The following GRIP1 variants were observed in gnomAD, a reference collection of about 807,000 sequenced individuals.
The protein encoded by GRIP1 is glutamate receptor interacting protein 1, also known as glutamate receptor-interacting protein 1.
GRIP1 carries 45 observed loss-of-function variants against 129.9 expected under a neutral mutation model. That is an observed-to-expected ratio of 0.35 (90% CI 0.27 to 0.44). GRIP1 has a LOEUF of 0.44. GRIP1 is among the 20% of genes least tolerant of loss of function. The pLI is 1.00. For synonymous variants in GRIP1, 530 were observed against 520.8 expected (o/e 1.02, Z -0.24); for missense variants, 1,196 against 1,396.8 (o/e 0.86, Z 2.29).
chr12:66,734,730 A>G (rs2036542728), intron 1 of GRIP1, among the ~76,000 whole-genome samples: 1 of 152,220 alleles, frequency 6.6e-6, no homozygotes, highest in South Asian at 2.1e-4. Flanking sequence ...ATAGATGGAC[A>G]GGAATAAACA....
At chr12:66,826,507 A>G (rs1477850727) in intron 1 of GRIP1, among the ~76,000 whole-genome samples, 2 of 152,164 alleles carry the variant, frequency 1.3e-5, no homozygotes, top group Non-Finnish European at 2.9e-5. Flanking sequence ...CTATGATCCC[A>G]AAATACTTAC....
chr12:66,895,296 G>A (rs1178686462), intron 1 of GRIP1, among the ~76,000 whole-genome samples: 1 of 152,112 alleles, frequency 6.6e-6, no homozygotes, highest in Non-Finnish European at 1.5e-5. Flanking sequence ...TAGTGAATAA[G>A]TCTCACAATA....
chr12:66,785,609 T>C (rs915489547), intron 1 of GRIP1, among the ~76,000 whole-genome samples: 1 of 151,970 alleles, frequency 6.6e-6, no homozygotes, highest in African/African-American at 2.4e-5. Flanking sequence ...AGAATATACT[T>C]AGCCAAATGT....
intron 15 of GRIP1, among the ~76,000 whole-genome samples, chr12:66,417,281 G>T (rs75003792): frequency 6.6e-6 from 1 of 152,060 alleles, no homozygotes; most frequent in Non-Finnish European, 1.5e-5. Flanking sequence ...GGGTATAGAA[G>T]AAATATACCT....
At chr12:66,619,487 G>A (rs187644421) in intron 1 of GRIP1, among the ~76,000 whole-genome samples, 4 of 151,962 alleles carry the variant, frequency 2.6e-5, no homozygotes, top group Admixed American at 6.6e-5. Flanking sequence ...TGGCACCTTT[G>A]ACAAAAATAG....
intron 1 of GRIP1, among the ~76,000 whole-genome samples, chr12:66,874,282 A>G (rs778209665): frequency 1.2e-4 from 18 of 152,110 alleles, no homozygotes; most frequent in Non-Finnish European, 2.6e-4. Flanking sequence ...GTACATTTAC[A>G]TAATTGTTGC....
chr12:66,909,268 C>G (rs922252475), intron 1 of GRIP1, among the ~76,000 whole-genome samples: 1 of 152,200 alleles, frequency 6.6e-6, no homozygotes, highest in Non-Finnish European at 1.5e-5. Context: ...TGGCCTCTTT[C>G]ACACCAATCA....
At chr12:66,388,473 C>A (rs1295265413) in intron 19 of GRIP1, among the ~76,000 whole-genome samples, 3 of 150,840 alleles carry the variant, frequency 2.0e-5, no homozygotes, top group Non-Finnish European at 4.5e-5. Context: ...ACCAATTTGC[C>A]AGTCTCCTCT....
Position 66,747,049 on chromosome 12 carries a change from T to G in GRIP1, c.-420+57004A>C, listed in dbSNP as rs554908901. Among the ~76,000 whole-genome samples the G allele has an allele frequency of 8.5e-5, 13 of 152,254 alleles. No individual in the cohort carries two copies. The South Asian group carries it at 1.9e-3, about 22-fold the overall frequency. On this transcript the variant is annotated intron_variant, in intron 1 of 4. Transcript: ENST00000538373. ...GATTAGCTAAGATTAAGTTACATAT[T>G]ATGATAAAAATAGAGCATAAATAGA...
At chr12:66,427,892 T>C (rs1195123466) in intron 14 of GRIP1, among the ~76,000 whole-genome samples, 1 of 152,214 alleles carries the variant, frequency 6.6e-6, no homozygotes, top group Non-Finnish European at 1.5e-5. Context: ...AAGCCCCCAC[T>C]TTAAGATACC....
chr12:66,628,776 C>T (rs1410219376), intron 1 of GRIP1, among the ~76,000 whole-genome samples: 1 of 152,200 alleles, frequency 6.6e-6, no homozygotes, highest in African/African-American at 2.4e-5. Context: ...CTGCTAAACA[C>T]CCAGCAATGC....
At position 66,965,596 on chromosome 12, in the gene GRIP1, T is replaced by TGTGTGTGTGA. The variant is rs1308974868; in HGVS notation, c.58+103453_58+103454insTCACACACAC. Among the ~76,000 whole-genome samples, 207 of 146,840 alleles carry TGTGTGTGTGA rather than the reference T, an allele frequency of 1.4e-3. 4 individuals carry two copies. The highest frequency in any genetic ancestry group is 4.9e-3 in the African/African-American group (193 of 39,384). Reference sequence around the variant, plus strand: ...GTGTGTGTGTGTGTGTGTGTGTGTGTGAGATATTATTACTAAAATGGGACT... The same window carrying TGTGTGTGTGA: ...GTGTGTGTGTGTGTGTGTGTGTGTGTGTGTGTGTGAGAGATATTATTACTAAAATGGGACT... On this transcript the variant is annotated intron_variant, in intron 1 of 1. Coordinates refer to the GRIP1 transcript ENST00000643019.
At chr12:66,862,498 T>C (rs986894146) in intron 1 of GRIP1, among the ~76,000 whole-genome samples, 2 of 151,988 alleles carry the variant, frequency 1.3e-5, no homozygotes. Flanking sequence ...AAGGAGAAAA[T>C]AGATTCCTCA....
chr12:67,054,761 T>TG (rs1274570226), intron 1 of GRIP1, among the ~76,000 whole-genome samples: 1 of 138,678 alleles, frequency 7.2e-6, no homozygotes, highest in African/African-American at 2.8e-5. Flanking sequence ...AAGACAGTAT[T>TG]GAAAAAAAAA....
At chr12:66,684,411 T>C (rs149947755) in intron 1 of GRIP1, among the ~76,000 whole-genome samples, 127 of 152,296 alleles carry the variant, frequency 8.3e-4, no homozygotes, top group African/African-American at 2.6e-3. Context: ...CCCTTAAATG[T>C]CGGAATTCCC....
chr12:66,874,283 T>A (rs749805846), intron 1 of GRIP1, among the ~76,000 whole-genome samples: 1 of 152,108 alleles, frequency 6.6e-6, no homozygotes, highest in Non-Finnish European at 1.5e-5. Context: ...TACATTTACA[T>A]AATTGTTGCA....
At chr12:66,500,793 T>A (rs924067839) in intron 7 of GRIP1, among the ~76,000 whole-genome samples, 2 of 152,326 alleles carry the variant, frequency 1.3e-5, no homozygotes, top group African/African-American at 4.8e-5. Flanking sequence ...CTTTTCCATT[T>A]CCTATTTTAC....
intron 2 of GRIP1, among the ~76,000 whole-genome samples, chr12:66,587,068 C>T (rs960325863): frequency 1.3e-5 from 2 of 152,218 alleles, no homozygotes; most frequent in African/African-American, 4.8e-5. Context: ...CTCAGCCTTG[C>T]TTCCCAGTTT....
chr12:66,702,004 A>C (rs2035369035), intron 1 of GRIP1, among the ~76,000 whole-genome samples: 1 of 152,166 alleles, frequency 6.6e-6, no homozygotes, highest in African/African-American at 2.4e-5. Context: ...AGTCTAACAC[A>C]TTCAAGTATC....
Sources: gnomAD v4.1 joint callset for allele counts (sites outside exome capture counted in the v4.1 genomes callset) on GRCh38, gnomAD v4.1.1 for gene constraint, MANE v1.5 for transcripts, NCBI Gene and HGNC (gene_info 2026-07-23, HGNC 2026-07-21) for gene names.